ZNF638: variants seen among roughly 807,000 people sequenced by gnomAD.
ZNF638 encodes zinc finger protein 638.
Under a neutral mutation model 195.6 loss-of-function variants are expected in ZNF638, and 46 were observed. The observed-to-expected ratio is 0.24, with a 90% CI of 0.19 to 0.30. The LOEUF is 0.30. Among genes scored for constraint, ZNF638 ranks in the 10% least tolerant of loss-of-function variants. The probability of loss-of-function intolerance (pLI) is 1.00; values close to 1 mark genes in which losing one functional copy is unlikely to be tolerated. For synonymous variants in ZNF638, 845 were observed against 772.0 expected (o/e 1.09, Z -1.57); for missense variants, 2,440 against 2,325.3 (o/e 1.05, Z -1.01).
intron 3 of ZNF638, among the ~76,000 whole-genome samples, chr2:71,360,887 C>A (rs1037244943): frequency 6.6e-6 from 1 of 152,170 alleles, no homozygotes. Flanking sequence ...AGAGGTGTTT[C>A]CAAATTCTGC....
chr2:71,339,992 T>C lies in ZNF638; in HGVS notation c.-203+8117T>C, dbSNP rs193230179. On this transcript the variant is annotated intron_variant, in intron 1 of 27. Transcript: ENST00000264447. ...AAAAGGTATATCTTACAATAGCCCA[T>C]TTATCAAAAAATCATTTTCCTGAAA... Among the ~76,000 whole-genome samples, 166 of 152,318 alleles carry C rather than the reference T, an allele frequency of 1.1e-3. 1 individual carries two copies. Among genetic ancestry groups the C allele is most frequent in the Middle Eastern group, 0.01 (3 of 294 alleles).
chr2:71,353,925 CTTTCTA>C (rs997487462), intron 2 of ZNF638, among the ~76,000 whole-genome samples: 38 of 152,176 alleles, frequency 2.5e-4, no homozygotes, highest in African/African-American at 8.9e-4. Flanking sequence ...CTTCTTCTAG[CTTTCTA>C]TTTGTATTAT....
At chr2:71,377,427 T>C (rs2079451437) in intron 8 of ZNF638, among the ~76,000 whole-genome samples, 1 of 152,212 alleles carries the variant, frequency 6.6e-6, no homozygotes, top group African/African-American at 2.4e-5. Flanking sequence ...GAGCAAGTAG[T>C]CAACTAGGAA....
chr2:71,390,551 A>G (rs905500293), intron 10 of ZNF638, among the ~76,000 whole-genome samples: 1 of 152,178 alleles, frequency 6.6e-6, no homozygotes, highest in Non-Finnish European at 1.5e-5. Context: ...TAAATCTAAA[A>G]TAGCTCAGTT....
chr2:71,390,055 G>T (rs2079739415), intron 10 of ZNF638, among the ~76,000 whole-genome samples: 1 of 152,180 alleles, frequency 6.6e-6, no homozygotes, highest in Non-Finnish European at 1.5e-5. Context: ...AAGAGGCAGT[G>T]CCCCACTAGT....
chr2:71,387,081 C>T (rs527898843), intron 10 of ZNF638, among the ~76,000 whole-genome samples: 1 of 151,926 alleles, frequency 6.6e-6, no homozygotes, highest in Admixed American at 6.6e-5. Flanking sequence ...ATTACATAAG[C>T]TGATTCTAAG....
intron 9 of ZNF638, 27 bp downstream of exon 9, chr2:71,380,307 G>T: frequency 6.8e-7 from 1 of 1,480,334 alleles, no homozygotes; most frequent in South Asian, 1.3e-5. Context: ...TTTCATATGT[G>T]AGAATGAAAT....
At chr2:71,378,192 C>A (rs558441105) in intron 8 of ZNF638, among the ~76,000 whole-genome samples, 2 of 152,148 alleles carry the variant, frequency 1.3e-5, no homozygotes, top group South Asian at 2.1e-4. Context: ...CTTAAAATTA[C>A]CAGAAAGATA....
At chr2:71,403,565 G>T in intron 16 of ZNF638, among the ~76,000 whole-genome samples, 1 of 152,048 alleles carries the variant, frequency 6.6e-6, no homozygotes, top group Non-Finnish European at 1.5e-5. Flanking sequence ...ACTGCTCTAT[G>T]TACTAAGGAT....
intron 10 of ZNF638, 107 bp from the exon 11 acceptor site, chr2:71,396,034 C>A: frequency 1.1e-6 from 1 of 931,950 alleles, no homozygotes; most frequent in Non-Finnish European, 1.7e-6. Context: ...GAGTATAGGG[C>A]TGTTTCTTGC....
At chr2:71,399,828 C>T (rs1031950868) in intron 13 of ZNF638, among the ~76,000 whole-genome samples, 183 bp downstream of exon 13, 3 of 152,234 alleles carry the variant, frequency 2.0e-5, no homozygotes, top group East Asian at 3.9e-4. Flanking sequence ...CTGATCCTCT[C>T]CTTCGTCCCA....
chr2:71,375,893 C>T (rs1573074681), intron 8 of ZNF638: 1 of 152,070 alleles, frequency 6.6e-6, no homozygotes, highest in South Asian at 2.1e-4. Context: ...AGATTAGTAA[C>T]CTTGAAAACA....
chr2:71,363,881 C>T, intron 4 of ZNF638, 73 bp from the exon 5 acceptor site: 3 of 1,502,908 alleles, frequency 2.0e-6, no homozygotes, highest in East Asian at 2.3e-5. Context: ...TAACAAGGTA[C>T]TTCTGTCATT....
At chr2:71,429,704 C>T (rs1441636622) in intron 25 of ZNF638, among the ~76,000 whole-genome samples, 4 of 152,142 alleles carry the variant, frequency 2.6e-5, no homozygotes, top group Non-Finnish European at 5.9e-5. Flanking sequence ...GTTTCTTTCT[C>T]CTACCACTTT....
chr2:71,391,750 A>G (rs1348543470), intron 10 of ZNF638, among the ~76,000 whole-genome samples: 2 of 152,188 alleles, frequency 1.3e-5, no homozygotes, highest in African/African-American at 4.8e-5. Flanking sequence ...GGGCATAACT[A>G]CTGATAAATT....
intron 11 of ZNF638, 142 bp downstream of exon 11, chr2:71,396,333 G>A (rs781257393): frequency 2.0e-5 from 13 of 658,068 alleles, no homozygotes; most frequent in East Asian, 2.8e-5. Context: ...TAATCATCTA[G>A]CAATTTTGAG....
chr2:71,397,802 A>G (rs568938388), intron 11 of ZNF638, among the ~76,000 whole-genome samples: 1 of 152,318 alleles, frequency 6.6e-6, no homozygotes, highest in East Asian at 1.9e-4. Flanking sequence ...TCACATCTTT[A>G]TAAACAGTAT....
At chr2:71,333,347 G>T (rs1216646445) in intron 1 of ZNF638, among the ~76,000 whole-genome samples, 1 of 152,154 alleles carries the variant, frequency 6.6e-6, no homozygotes, top group Non-Finnish European at 1.5e-5. Context: ...CCAAGAAAGG[G>T]TAAATATAAC....
In ZNF638 at chr2:71,349,817, A is replaced by G. The variant is rs767193378; in HGVS notation, c.863A>G (p.Glu288Gly). Residue 288 changes from glutamate (E) to glycine (G), a missense_variant, in exon 2 of 28, where the codon GAG becomes GGG. By Grantham distance (98) the Glu-to-Gly change is moderately conservative. This residue lies in a region of ZNF638 where 305 missense variants were observed against 283.6 expected (regional missense o/e 1.08). Transcript: ENST00000264447. ...SSNNRSFFSV[E>G]SGTKMSGLHI... Reference sequence around the variant, plus strand: ...AATAATCGGTCCTTTTTCTCAGTTGAGAGTGGAACCAAGATGTCAGGCTTA... The same window carrying G: ...AATAATCGGTCCTTTTTCTCAGTTGGGAGTGGAACCAAGATGTCAGGCTTA... The G allele has an allele frequency of 4.1e-5, 66 of 1,614,078 alleles. No individual in the cohort carries two copies. Among genetic ancestry groups the G allele is most frequent in the Admixed American group, 5.0e-5 (3 of 60,002 alleles).
Sources: gnomAD v4.1 joint callset for allele counts (sites outside exome capture counted in the v4.1 genomes callset) on GRCh38, gnomAD v4.1.1 for gene constraint, gnomAD v4.1.1 regional missense constraint, MANE v1.5 for transcripts, NCBI Gene and HGNC (gene_info 2026-07-23, HGNC 2026-07-21) for gene names.